Variants in MBD2 observed in about 807,000 individuals in gnomAD.
MBD2 encodes methyl-CpG binding domain protein 2.
In MBD2, 9 loss-of-function variants were observed where a neutral mutation model predicts 39.3. The observed-to-expected ratio is 0.23, with a 90% confidence interval of 0.14 to 0.40. The LOEUF (loss-of-function observed/expected upper bound fraction) is 0.40, where lower values mean the gene tolerates loss of function less well. Ranked by LOEUF, MBD2 falls within the 10% of genes least tolerant of loss-of-function variation. The pLI, the probability that MBD2 is intolerant of heterozygous loss-of-function variation, is 1.00. For missense variants in MBD2, 458 were observed against 532.6 expected, an observed-to-expected ratio of 0.86 and a Z score of 1.38; for synonymous variants, 233 against 211.1, an observed-to-expected ratio of 1.10 and a Z score of -0.90.
chr18:54,182,674 G>A (rs538039092), intron 3 of MBD2, among the ~76,000 whole-genome samples: 1 of 152,230 alleles, frequency 6.6e-6, no homozygotes, highest in Admixed American at 6.5e-5. Context: ...ACACCTGCCT[G>A]CAATATGAAG....
chr18:54,172,017 A>G (rs1375142352), intron 3 of MBD2, among the ~76,000 whole-genome samples: 7 of 152,250 alleles, frequency 4.6e-5, no homozygotes, highest in Admixed American at 4.6e-4. Context: ...TACTCATGCC[A>G]TCAAAGGCTG....
rs1200533884 is a variant in MBD2 at position 54,223,930 on chromosome 18, C to A, written c.542+88G>T. On this transcript the variant is annotated intron_variant, in intron 1 of 6. Coordinates refer to ENST00000256429, the MANE Select transcript of MBD2 (RefSeq NM_003927.5). ...CTGTCCCTGCCACATGCCCCCCGGGCCCCAGCGCTCATCCTCTGCCCAGGC... is the reference window on the plus strand; with the variant it reads ...CTGTCCCTGCCACATGCCCCCCGGGACCCAGCGCTCATCCTCTGCCCAGGC... 62 of 1,155,880 alleles carry A rather than the reference C, an allele frequency of 5.4e-5. No homozygotes were observed. The East Asian group carries it at 1.6e-3, about 30-fold the overall frequency. The allele number at this position is 1,155,880 out of a possible 1,614,324, so 71.6% of individuals were successfully genotyped here.
chr18:54,213,649 C>T (rs563721793), intron 1 of MBD2, among the ~76,000 whole-genome samples: 64 of 152,106 alleles, frequency 4.2e-4, no homozygotes, highest in Non-Finnish European at 7.9e-4. Context: ...GACACTGCTA[C>T]GACACTGTCA....
At chr18:54,174,345 C>A (rs2086196809) in intron 3 of MBD2, among the ~76,000 whole-genome samples, 1 of 152,182 alleles carries the variant, frequency 6.6e-6, no homozygotes, top group Non-Finnish European at 1.5e-5. Context: ...TTTATAAAGG[C>A]AGGTGCCCAG....
At chr18:54,157,973 C>T (rs2086065936) in intron 6 of MBD2, among the ~76,000 whole-genome samples, 1 of 152,162 alleles carries the variant, frequency 6.6e-6, no homozygotes. Context: ...TGCGAGACTA[C>T]CGCAGCAACA....
Position 54,224,293 on chromosome 18 carries a change from G to GCCCCGT in MBD2, c.261_266dup (p.Gly95_Arg96dup), listed in dbSNP as rs955056991. The GCCCCGT allele has an allele frequency of 2.8e-5, 26 of 944,586 alleles. No homozygotes were observed. Among genetic ancestry groups the GCCCCGT allele is most frequent in the Middle Eastern group, 5.4e-4 (1 of 1,854 alleles). 58.5% of individuals were successfully genotyped at this position (944,586 alleles called of 1,614,324 possible). On this transcript the variant is annotated inframe_insertion, in exon 1 of 7. Coordinates refer to ENST00000256429, the MANE Select transcript of MBD2 (RefSeq NM_003927.5). ...GGGGACGGCCGCGGCCCCGGCCCCG[G>GCCCCGT]CCCCGTCCCCGTCCCCGGCCACGGC...
chr18:54,223,461 T>A (rs2086631799), intron 1 of MBD2, among the ~76,000 whole-genome samples: 1 of 152,178 alleles, frequency 6.6e-6, no homozygotes, highest in African/African-American at 2.4e-5. Flanking sequence ...CAAATTTTGG[T>A]CTAGGAGTCT....
chr18:54,213,671 T>A lies in MBD2; in HGVS notation c.543-8514A>T, dbSNP rs1382931851. Among the ~76,000 whole-genome samples the A allele has an allele frequency of 3.3e-5, 5 of 152,328 alleles. No individual in the cohort carries two copies. The East Asian group carries it at 9.6e-4, about 29-fold the overall frequency. On this transcript the variant is annotated intron_variant, in intron 1 of 6. Coordinates refer to ENST00000256429, the MANE Select transcript of MBD2 (RefSeq NM_003927.5). ...CTACGACACTGTCAGAAATTAAGTA[T>A]GTTTGGGAATTATTTCAAAATATAA... is the stretch of plus-strand genomic sequence containing the variant.
At chr18:54,222,727 T>G (rs1006120452) in intron 1 of MBD2, among the ~76,000 whole-genome samples, 1 of 152,238 alleles carries the variant, frequency 6.6e-6, no homozygotes, top group African/African-American at 2.4e-5. Flanking sequence ...ATTTTTTAGT[T>G]GAGGTGAAGT....
intron 2 of MBD2, among the ~76,000 whole-genome samples, chr18:54,191,088 T>A (rs2086317240): frequency 6.6e-6 from 1 of 152,200 alleles, no homozygotes. Flanking sequence ...ACTTTTATCT[T>A]TACTACTACC....
chr18:54,159,469 G>A (rs557563496), intron 6 of MBD2, among the ~76,000 whole-genome samples: 4 of 151,362 alleles, frequency 2.6e-5, no homozygotes, highest in Non-Finnish European at 4.4e-5. Context: ...CCAGGTTGGA[G>A]AACAGTAGCA....
intron 3 of MBD2, among the ~76,000 whole-genome samples, chr18:54,177,505 G>T (rs1175620885): frequency 2.0e-5 from 3 of 151,726 alleles, no homozygotes; most frequent in African/African-American, 7.3e-5. Context: ...TTTCGAGACG[G>T]AGTCTCGCTC....
At chr18:54,162,306 G>A (rs1427807124) in intron 5 of MBD2, among the ~76,000 whole-genome samples, 1 of 152,146 alleles carries the variant, frequency 6.6e-6, no homozygotes, top group Non-Finnish European at 1.5e-5. Context: ...TATAAAATAC[G>A]CTAAAAATAC....
At chr18:54,192,615 T>A (rs1207704554) in intron 2 of MBD2, among the ~76,000 whole-genome samples, 3 of 152,174 alleles carry the variant, frequency 2.0e-5, no homozygotes. Context: ...CACACAGAAG[T>A]ATTTGCAACC....
intron 1 of MBD2, among the ~76,000 whole-genome samples, chr18:54,223,477 CTT>C (rs1303078931): frequency 6.6e-6 from 1 of 152,194 alleles, no homozygotes; most frequent in African/African-American, 2.4e-5. Flanking sequence ...AGTCTAAAAA[CTT>C]AGTACAGTGT....
chr18:54,166,923 T>C (rs1396183364), intron 3 of MBD2, among the ~76,000 whole-genome samples: 1 of 152,224 alleles, frequency 6.6e-6, no homozygotes, highest in African/African-American at 2.4e-5. Context: ...TATTTGATTC[T>C]CTCTCCTAGT....
chr18:54,195,224 TA>T (rs1342609693), intron 2 of MBD2, among the ~76,000 whole-genome samples: 4 of 152,084 alleles, frequency 2.6e-5, no homozygotes, highest in Admixed American at 6.5e-5. Flanking sequence ...ATATTGTAAA[TA>T]CCACTTTTTT....
chr18:54,180,897 CTTTTTCTTTTTTTTTT>C (rs1459982949), intron 3 of MBD2, among the ~76,000 whole-genome samples: 4 of 105,372 alleles, frequency 3.8e-5, no homozygotes, highest in Non-Finnish European at 5.4e-5. Context: ...TTAATTTTTT[CTTTTTCTTTTTTTTTT>C]TTTTTTTTTT....
chr18:54,175,967 G>T, intron 3 of MBD2, among the ~76,000 whole-genome samples: 1 of 152,036 alleles, frequency 6.6e-6, no homozygotes. Flanking sequence ...TTTTTCTAAT[G>T]AAAAAAATTT....
Sources: gnomAD v4.1 joint callset for allele counts (sites outside exome capture counted in the v4.1 genomes callset) on GRCh38, gnomAD v4.1.1 for gene constraint, MANE v1.5 for transcripts, NCBI Gene and HGNC (gene_info 2026-07-23, HGNC 2026-07-21) for gene names.